The following CDH12 variants were observed in gnomAD, a reference collection of about 807,000 sequenced individuals.
The protein encoded by CDH12 is cadherin 12.
In CDH12, 41 loss-of-function variants were observed where a neutral mutation model predicts 74.1. The ratio of observed to expected loss-of-function variants is 0.55; its 90% confidence interval spans 0.43 to 0.72. CDH12 has a LOEUF of 0.72. Among genes scored for constraint, CDH12 ranks in the 30% least tolerant of loss-of-function variants. The pLI is 0.00. For synonymous variants in CDH12, 399 were observed against 355.0 expected (o/e 1.12, Z -1.39); for missense variants, 945 against 977.2 (o/e 0.97, Z 0.44).
chr5:22,393,033 C>A (rs2126424114), intron 3 of CDH12, among the ~76,000 whole-genome samples: 1 of 152,178 alleles, frequency 6.6e-6, no homozygotes, highest in South Asian at 2.1e-4. Context: ...CCAACAATGT[C>A]TCTAATATGT....
chr5:22,492,928 T>C (rs754433501), intron 2 of CDH12, among the ~76,000 whole-genome samples: 1 of 152,158 alleles, frequency 6.6e-6, no homozygotes, highest in Non-Finnish European at 1.5e-5. Flanking sequence ...CTCCTCATCA[T>C]AGCCAAAAAG....
At chr5:22,638,701 G>T (rs564667399) in intron 1 of CDH12, 85 of 152,280 alleles carry the variant, frequency 5.6e-4, no homozygotes, top group African/African-American at 1.9e-3. Flanking sequence ...AACATACCTT[G>T]ATGGTAGAGG....
intron 8 of CDH12, among the ~76,000 whole-genome samples, chr5:21,833,308 T>TTATATAACATATAATATATATTATATGC (rs1749296951): frequency 2.9e-5 from 1 of 34,460 alleles, no homozygotes; most frequent in Non-Finnish European, 3.8e-5. Flanking sequence ...ATATTATATG[T>TTATATAACATATAATATATATTATATGC]TATATGTTAT....
intron 4 of CDH12, among the ~76,000 whole-genome samples, chr5:22,191,587 C>T (rs1580380867): frequency 2.3e-5 from 2 of 86,286 alleles, no homozygotes; most frequent in Admixed American, 3.4e-4. Flanking sequence ...TTTTTTGAGA[C>T]GGAGTCTCGC....
chr5:22,546,920 T>C (rs984723287), intron 1 of CDH12, among the ~76,000 whole-genome samples: 2 of 152,176 alleles, frequency 1.3e-5, no homozygotes, highest in African/African-American at 2.4e-5. Context: ...ACAAATAAAC[T>C]AATCTATTTG....
intron 6 of CDH12, among the ~76,000 whole-genome samples, chr5:21,880,562 C>CCTTCCTT (rs1561268003): frequency 1.9e-5 from 1 of 51,828 alleles, no homozygotes; most frequent in Non-Finnish European, 5.1e-5. Flanking sequence ...TTCCTTCCTT[C>CCTTCCTT]CCTTCTTTCT....
chr5:22,645,764 C>T (rs1739404128), intron 1 of CDH12, among the ~76,000 whole-genome samples: 1 of 151,888 alleles, frequency 6.6e-6, no homozygotes, highest in African/African-American at 2.4e-5. Flanking sequence ...CAGCAATCAC[C>T]ACTTTGATCA....
intron 4 of CDH12, among the ~76,000 whole-genome samples, chr5:22,204,505 A>T (rs1488905631): frequency 6.6e-6 from 1 of 152,194 alleles, no homozygotes; most frequent in Non-Finnish European, 1.5e-5. Flanking sequence ...ATGTATTTCT[A>T]TTTGAAGTAG....
chr5:22,319,612 C>T (rs1738778543), intron 3 of CDH12, among the ~76,000 whole-genome samples: 1 of 152,034 alleles, frequency 6.6e-6, no homozygotes, highest in South Asian at 2.1e-4. Flanking sequence ...AAATGGAAAT[C>T]AATAGAAACA....
intron 6 of CDH12, chr5:21,882,670 A>T (rs1752419133): frequency 4.4e-6 from 7 of 1,605,920 alleles, no homozygotes; most frequent in Non-Finnish European, 6.0e-6. Context: ...CTTATGCCAA[A>T]GATGTAAAAT....
At chr5:22,099,265 C>T (rs578191824) in intron 4 of CDH12, among the ~76,000 whole-genome samples, 3 of 152,212 alleles carry the variant, frequency 2.0e-5, no homozygotes, top group Admixed American at 1.3e-4. Context: ...CTTTACTAGT[C>T]GAATCACCCA....
At chr5:22,845,187 C>T (rs1157021127) in intron 1 of CDH12, among the ~76,000 whole-genome samples, 1 of 152,094 alleles carries the variant, frequency 6.6e-6, no homozygotes, top group Non-Finnish European at 1.5e-5. Flanking sequence ...AGGACACTCA[C>T]ATTGTGTTTA....
intron 1 of CDH12, among the ~76,000 whole-genome samples, chr5:22,609,372 C>T (rs1158214610): frequency 1.3e-5 from 2 of 152,168 alleles, no homozygotes; most frequent in Admixed American, 1.3e-4. Flanking sequence ...ATTCTTTCAG[C>T]ACTCATCACA....
At chr5:22,031,989 C>A (rs1166513351) in intron 5 of CDH12, among the ~76,000 whole-genome samples, 1 of 151,474 alleles carries the variant, frequency 6.6e-6, no homozygotes, top group African/African-American at 2.4e-5. Flanking sequence ...GCAGGGTTGC[C>A]ACAAACCTTC....
intron 5 of CDH12, among the ~76,000 whole-genome samples, chr5:22,065,622 A>G (rs1252221605): frequency 6.6e-6 from 1 of 152,152 alleles, no homozygotes; most frequent in Non-Finnish European, 1.5e-5. Flanking sequence ...GGGAGGGTCT[A>G]GAGGACACAC....
intron 2 of CDH12, among the ~76,000 whole-genome samples, chr5:22,439,224 A>T (rs1478318291): frequency 6.6e-6 from 1 of 152,030 alleles, no homozygotes; most frequent in African/African-American, 2.4e-5. Flanking sequence ...AGGCAAGGAC[A>T]TTTGGACAGT....
intron 3 of CDH12, among the ~76,000 whole-genome samples, chr5:22,377,753 T>C (rs1051628088): frequency 4.6e-5 from 7 of 152,152 alleles, no homozygotes; most frequent in Admixed American, 4.6e-4. Flanking sequence ...AAACAACACA[T>C]GTATCATATC....
chr5:22,831,210 G>A (rs956155386), intron 1 of CDH12, among the ~76,000 whole-genome samples: 2 of 152,000 alleles, frequency 1.3e-5, no homozygotes, highest in African/African-American at 4.8e-5. Context: ...CTTTTTTGGA[G>A]GATGAGGAGA....
chr5:22,322,366 T>TAAA (rs71609760), intron 3 of CDH12, among the ~76,000 whole-genome samples: 3,028 of 148,654 alleles, frequency 0.02, 42 homozygotes, highest in African/African-American at 0.029. Flanking sequence ...CAGCTTTATT[T>TAAA]AAAAAAAAAA....
Sources: gnomAD v4.1 joint callset for allele counts (sites outside exome capture counted in the v4.1 genomes callset) on GRCh38, gnomAD v4.1.1 for gene constraint, MANE v1.5 for transcripts, NCBI Gene and HGNC (gene_info 2026-07-23, HGNC 2026-07-21) for gene names.